The following DNAH17 variants were observed in gnomAD, a reference collection of about 807,000 sequenced individuals.
DNAH17 encodes axonemal beta dynein heavy chain 17.
In DNAH17, 376 loss-of-function variants were observed where a neutral mutation model predicts 485.6. That is an observed-to-expected ratio of 0.77 (90% CI 0.71 to 0.84). DNAH17 has a LOEUF of 0.84. DNAH17 is among the 40% of genes least tolerant of loss of function. The pLI, the probability that DNAH17 is intolerant of heterozygous loss-of-function variation, is 0.00. For synonymous variants in DNAH17, 3,031 were observed against 2,405.9 expected, an observed-to-expected ratio of 1.26 and a Z score of -7.60; for missense variants, 6,370 against 5,839.3, an observed-to-expected ratio of 1.09 and a Z score of -2.96.
At chr17:78,487,081 G>C (rs1389547770) in intron 44 of DNAH17, among the ~76,000 whole-genome samples, 2 of 148,920 alleles carry the variant, frequency 1.3e-5, no homozygotes, top group Admixed American at 1.4e-4. Flanking sequence ...AGCAATCCTT[G>C]AAGAGCCGTG....
At position 78,567,091 on chromosome 17, in the gene DNAH17, C is replaced by T. The variant is rs753714926; in HGVS notation, c.1360G>A (p.Gly454Arg). The T allele has an allele frequency of 3.7e-6, 6 of 1,613,002 alleles. No individual in the cohort carries two copies. The highest frequency in any genetic ancestry group is 2.2e-5 in the East Asian group (1 of 44,844). The change falls in exon 10 of 81, where the codon GGG becomes AGG. Residue 454 changes from glycine (G) to arginine (R), a missense_variant. Gly to Arg is a moderately radical substitution (Grantham distance 125). Coordinates refer to ENST00000389840, the MANE Select transcript of DNAH17 (RefSeq NM_173628.4). ...TCATAGATACGGGTCACCAGGCTCC[C>T]GAGGAGGTTCCCACGCACGCCCCCA... is the stretch of plus-strand genomic sequence containing the variant. ...ELGGVRGNLL[G>R]SLVTRIYDEV...
In DNAH17 at chr17:78,532,751, G is replaced by A. The variant is rs538457093; in HGVS notation, c.2860-15C>T. On this transcript the variant is annotated splice_polypyrimidine_tract_variant and intron_variant, in intron 19 of 80. Coordinates refer to ENST00000389840, the MANE Select transcript of DNAH17 (RefSeq NM_173628.4). ...TCCAGGTCCATCTGAAAGGGGCAGGGGAGAAGCAAAAAGGGGAGGTATGTT... is the reference window on the plus strand; with the variant it reads ...TCCAGGTCCATCTGAAAGGGGCAGGAGAGAAGCAAAAAGGGGAGGTATGTT... 10 of 1,562,252 alleles carry A rather than the reference G, an allele frequency of 6.4e-6. No individual in the cohort carries two copies. The highest frequency in any genetic ancestry group is 2.3e-5 in the East Asian group (1 of 43,838).
chr17:78,517,500 C>G (rs1046242095), intron 25 of DNAH17, among the ~76,000 whole-genome samples: 1 of 152,230 alleles, frequency 6.6e-6, no homozygotes, highest in Admixed American at 6.5e-5. Context: ...TGCTTGGAGT[C>G]CAGCCTCCCT....
chr17:78,423,859 A>AGTT lies in DNAH17; in HGVS notation c.*44_*46dup. On this transcript the variant is annotated 3_prime_UTR_variant, in exon 81 of 81. Transcript: ENST00000389840. Reference sequence around the variant, plus strand: ...TCACAGGTGCACAGGTGAAGGGCTGAGTTGTGGTCCAGCCCCAGGGAGTGT... The same window carrying AGTT: ...TCACAGGTGCACAGGTGAAGGGCTGAGTTGTTGTGGTCCAGCCCCAGGGAGTGT... 6.2e-7 allele frequency: 1 copy of AGTT among 1,605,074 alleles called. No homozygotes were observed. The highest frequency in any genetic ancestry group is 8.5e-7 in the Non-Finnish European group (1 of 1,173,690).
In DNAH17 at chr17:78,437,805, C is replaced by T. The variant is rs561827431; in HGVS notation, c.11869G>A (p.Gly3957Ser). Residue 3957 changes from glycine to serine, a missense_variant, in exon 74 of 81, where the codon GGC (glycine) becomes AGC (serine). Transcript: ENST00000389840. ...LDKKLEHYST[G>S]SHEDYRVFIS... ...AACACCCGGTAGTCCTCATGGCTGC[C>T]CGTGCTGTAGTGCTCCAGCTTCTTG... 112 of 1,612,524 alleles carry T rather than the reference C, an allele frequency of 6.9e-5. No individual in the cohort carries two copies. Among genetic ancestry groups the T allele is most frequent in the Admixed American group, 6.2e-4 (37 of 59,994 alleles).
intron 20 of DNAH17, among the ~76,000 whole-genome samples, chr17:78,531,999 C>T (rs935993003): frequency 6.6e-5 from 10 of 152,194 alleles, no homozygotes; most frequent in Non-Finnish European, 1.3e-4. Context: ...AATGAGCCAA[C>T]CCGGAGCCCA....
intron 19 of DNAH17, among the ~76,000 whole-genome samples, chr17:78,533,937 C>T (rs1348016895): frequency 1.3e-5 from 2 of 152,226 alleles, no homozygotes; most frequent in Admixed American, 6.5e-5. Context: ...CCACCTGCCT[C>T]AGCCTCCCAA....
chr17:78,454,650 G>A lies in DNAH17; in HGVS notation c.10226C>T (p.Ala3409Val), dbSNP rs199512383. ...CTGGTTGTTCCAGGTGGCCACGTCC[G>A]CGTCATCTGTCAGCAGGCTCAAGGG... The part of the protein sequence containing the change: ...LDPLSLLTDD[A>V]DVATWNNQGL... The change falls in exon 64 of 81, where the codon GCG (alanine) becomes GTG (valine). Residue 3409 changes from alanine to valine, a missense_variant. Physicochemically the swap from Ala to Val is moderately conservative, Grantham distance 64. Transcript: ENST00000389840. 1.6e-5 allele frequency: 26 copies of A among 1,613,104 alleles called. No individual in the cohort carries two copies. The highest frequency in any genetic ancestry group is 3.3e-4 in the Middle Eastern group (2 of 6,062).
At chr17:78,456,920 G>A (rs927160385) in intron 62 of DNAH17, among the ~76,000 whole-genome samples, 2 of 152,168 alleles carry the variant, frequency 1.3e-5, no homozygotes, top group Admixed American at 6.5e-5. Context: ...TGCAGGCCTG[G>A]AACAGACTCA....
At chr17:78,443,802 TA>T (rs899021008) in intron 71 of DNAH17, among the ~76,000 whole-genome samples, 23 of 152,286 alleles carry the variant, frequency 1.5e-4, no homozygotes, top group African/African-American at 5.5e-4. Flanking sequence ...CTCCCCAAAG[TA>T]CTGGGATTAC....
intron 60 of DNAH17, 67 bp from the exon 61 acceptor site, chr17:78,459,275 G>C: frequency 6.8e-7 from 1 of 1,468,742 alleles, no homozygotes; most frequent in South Asian, 1.1e-5. Flanking sequence ...GCCCAGAGAA[G>C]CTGAGTGTCT....
At chr17:78,452,236 G>A (rs1598472113) in intron 65 of DNAH17, among the ~76,000 whole-genome samples, 1 of 151,946 alleles carries the variant, frequency 6.6e-6, no homozygotes, top group Non-Finnish European at 1.5e-5. Context: ...ATGCATCTCT[G>A]CATTTAAAGG....
At position 78,552,580 on chromosome 17, in the gene DNAH17, A is replaced by G. The variant is rs561158018; in HGVS notation, c.2287+117T>C. The G allele has an allele frequency of 2.5e-5, 16 of 629,848 alleles. No individual in the cohort carries two copies. In the South Asian group the frequency reaches 3.5e-4, roughly 14 times the overall value. The allele number at this position is 629,848 out of a possible 1,614,324, so 39.0% of individuals were successfully genotyped here. On this transcript the variant is annotated intron_variant, in intron 15 of 80. Coordinates refer to ENST00000389840, the MANE Select transcript of DNAH17 (RefSeq NM_173628.4). ...TATCCTTTAGCCCCCTTGAAGTTAAAGCAGATCCACACAGCCAGGAGGCAG... is the reference window on the plus strand; with the variant it reads ...TATCCTTTAGCCCCCTTGAAGTTAAGGCAGATCCACACAGCCAGGAGGCAG...
At chr17:78,542,556 C>T (rs1276516242) in intron 17 of DNAH17, among the ~76,000 whole-genome samples, 7 of 152,192 alleles carry the variant, frequency 4.6e-5, no homozygotes, top group Non-Finnish European at 7.3e-5. Flanking sequence ...GAAATTACTA[C>T]CAAGTGAGGA....
intron 16 of DNAH17, 65 bp downstream of exon 16, chr17:78,551,470 T>C: frequency 6.7e-7 from 1 of 1,493,162 alleles, no homozygotes; most frequent in South Asian, 1.1e-5. Flanking sequence ...CTACGTAGCC[T>C]GGTTTGCCCC....
intron 19 of DNAH17, among the ~76,000 whole-genome samples, chr17:78,533,889 T>C (rs1418620495): frequency 2.0e-5 from 3 of 152,148 alleles, no homozygotes; most frequent in Non-Finnish European, 2.9e-5. Context: ...TTTCACCGTG[T>C]TGGTCAGGCT....
At chr17:78,511,814 G>T (rs1395890002) in intron 26 of DNAH17, among the ~76,000 whole-genome samples, 1 of 152,352 alleles carries the variant, frequency 6.6e-6, no homozygotes, top group Non-Finnish European at 1.5e-5. Flanking sequence ...GAGATATTTA[G>T]CTGGTTGTTT....
At chr17:78,523,119 G>A (rs1418873786) in intron 25 of DNAH17, among the ~76,000 whole-genome samples, 2 of 152,062 alleles carry the variant, frequency 1.3e-5, no homozygotes, top group African/African-American at 4.8e-5. Context: ...GCCTCCCAAA[G>A]TGCTGGGATT....
At position 78,453,480 on chromosome 17, in the gene DNAH17, C is replaced by A. The variant is rs374456851; in HGVS notation, c.10407-15G>T. On this transcript the variant is annotated splice_polypyrimidine_tract_variant and intron_variant, in intron 64 of 80. Coordinates refer to ENST00000389840, the MANE Select transcript of DNAH17 (RefSeq NM_173628.4). ...CATCCAGGTAGCTGCGGGCACAACA[C>A]GGAAGCTGGTTCATGGCAGAGGGCC... is the stretch of plus-strand genomic sequence containing the variant. 6.2e-7 allele frequency: 1 copy of A among 1,613,536 alleles called. No homozygotes were observed. Among genetic ancestry groups the A allele is most frequent in the East Asian group, 2.2e-5 (1 of 44,864 alleles).
Sources: gnomAD v4.1 joint callset for allele counts (sites outside exome capture counted in the v4.1 genomes callset) on GRCh38, gnomAD v4.1.1 for gene constraint, MANE v1.5 for transcripts, NCBI Gene and HGNC (gene_info 2026-07-23, HGNC 2026-07-21) for gene names.